EXOC2: variants seen among roughly 807,000 people sequenced by gnomAD.
The protein encoded by EXOC2 is exocyst complex component 2.
EXOC2 carries 70 observed loss-of-function variants against 131.8 expected under a neutral mutation model. The ratio of observed to expected loss-of-function variants is 0.53; its 90% confidence interval spans 0.44 to 0.65. The LOEUF is 0.65. Among genes scored for constraint, EXOC2 ranks in the 30% least tolerant of loss-of-function variants. The pLI, the probability that EXOC2 is intolerant of heterozygous loss-of-function variation, is 0.00. For synonymous variants in EXOC2, 411 were observed against 398.4 expected (o/e 1.03, Z -0.38); for missense variants, 923 against 1,108.6 (o/e 0.83, Z 2.38).
At chr6:546,630 A>G (rs979594717) in intron 22 of EXOC2, among the ~76,000 whole-genome samples, 3 of 152,306 alleles carry the variant, frequency 2.0e-5, no homozygotes, top group African/African-American at 7.2e-5. Context: ...CCACATGAAG[A>G]TGAGGAGGAT....
In EXOC2 at chr6:500,630, C is replaced by A. The variant is rs567797108; in HGVS notation, c.2381-930G>T. 1.9e-3 allele frequency among the ~76,000 whole-genome samples: 282 copies of A among 152,256 alleles called. 1 individual carries two copies. Among genetic ancestry groups the A allele is most frequent in the Admixed American group, 3.8e-3 (58 of 15,284 alleles). ...TTATCATCATTTTGCAGGAAAAAAA[C>A]CCCATAAAAACAAAATACTGTTTTA... On this transcript the variant is annotated intron_variant, in intron 23 of 27. Transcript: ENST00000230449.
At chr6:502,298 G>A (rs1054506993) in intron 23 of EXOC2, among the ~76,000 whole-genome samples, 1 of 152,206 alleles carries the variant, frequency 6.6e-6, no homozygotes. Context: ...AGGATTTGGG[G>A]CTCTAACGAT....
intron 11 of EXOC2, among the ~76,000 whole-genome samples, chr6:579,255 G>C (rs1581480861): frequency 6.6e-6 from 1 of 152,204 alleles, no homozygotes; most frequent in East Asian, 1.9e-4. Context: ...TAAACCATTT[G>C]TATAGTTTAA....
chr6:637,874 A>G lies in EXOC2; in HGVS notation c.-43-13T>C. 1.1e-5 allele frequency: 16 copies of G among 1,523,632 alleles called. No individual in the cohort carries two copies. The highest frequency in any genetic ancestry group is 1.4e-5 in the Non-Finnish European group (15 of 1,108,428). The allele number at this position is 1,523,632 out of a possible 1,614,324, so 94.4% of individuals were successfully genotyped here. ...TTAGAGAAGTAATCTGTTAAAAGAG[A>G]AAGAAAAAAGGATTAGTACCAACTG... On this transcript the variant is annotated splice_polypyrimidine_tract_variant and intron_variant, in intron 1 of 27. Transcript: ENST00000230449.
At chr6:581,163 G>A (rs1269782615) in intron 11 of EXOC2, among the ~76,000 whole-genome samples, 2 of 152,006 alleles carry the variant, frequency 1.3e-5, no homozygotes, top group Non-Finnish European at 2.9e-5. Context: ...CAGCGCGGTG[G>A]CACATGCCTG....
intron 1 of EXOC2, among the ~76,000 whole-genome samples, chr6:681,031 G>A (rs66650217): frequency 0.14 from 20,957 of 152,200 alleles, 1,567 homozygotes; most frequent in African/African-American, 0.19. Flanking sequence ...CGGCTTCTGA[G>A]AGGGGTGTCA....
intron 7 of EXOC2, among the ~76,000 whole-genome samples, chr6:606,838 C>T (rs1321356853): frequency 6.6e-5 from 10 of 152,218 alleles, no homozygotes; most frequent in Non-Finnish European, 7.3e-5. Flanking sequence ...GGTGGATTTG[C>T]GTTTCACTTC....
intron 27 of EXOC2, among the ~76,000 whole-genome samples, chr6:488,290 T>G (rs776685598): frequency 6.6e-6 from 1 of 152,146 alleles, no homozygotes; most frequent in African/African-American, 2.4e-5. Context: ...GTGCACCACA[T>G]GTGCCTGTCT....
At chr6:509,989 C>CT (rs536189783) in intron 23 of EXOC2, among the ~76,000 whole-genome samples, 10 of 151,896 alleles carry the variant, frequency 6.6e-5, no homozygotes, top group Middle Eastern at 3.4e-3. Flanking sequence ...CCACAATGTA[C>CT]TTTTTTTTAT....
intron 21 of EXOC2, among the ~76,000 whole-genome samples, chr6:553,390 AGT>A (rs34996425): frequency 0.15 from 22,016 of 149,938 alleles, 1,687 homozygotes; most frequent in African/African-American, 0.19. Context: ...TTTGTGTATA[AGT>A]GTGTGTGTGT....
chr6:671,756 G>C (rs1239166643), intron 1 of EXOC2, among the ~76,000 whole-genome samples: 1 of 151,940 alleles, frequency 6.6e-6, no homozygotes, highest in African/African-American at 2.4e-5. Flanking sequence ...TGTTTGCATG[G>C]TTGCTGAAAA....
chr6:657,101 G>A, intron 1 of EXOC2: 1 of 572,140 alleles, frequency 1.7e-6, no homozygotes, highest in Non-Finnish European at 2.9e-6. Flanking sequence ...TGCGGGTTCT[G>A]TTGTGGGTTC....
intron 1 of EXOC2, among the ~76,000 whole-genome samples, chr6:666,180 T>C (rs1206276039): frequency 1.3e-5 from 2 of 152,178 alleles, no homozygotes; most frequent in Non-Finnish European, 2.9e-5. Flanking sequence ...CAGCATCCTT[T>C]CTCCATTCTC....
chr6:540,444 C>A (rs1035004463), intron 22 of EXOC2, among the ~76,000 whole-genome samples: 13 of 152,174 alleles, frequency 8.5e-5, no homozygotes, highest in African/African-American at 2.9e-4. Context: ...CTGAATTATA[C>A]CATTCCAGAG....
chr6:583,332 A>G (rs1198533790), intron 11 of EXOC2, among the ~76,000 whole-genome samples: 1 of 152,216 alleles, frequency 6.6e-6, no homozygotes, highest in Non-Finnish European at 1.5e-5. Context: ...GGCTGCCAGA[A>G]GTCTTCTTCC....
intron 1 of EXOC2, among the ~76,000 whole-genome samples, chr6:643,359 G>A (rs552411827): frequency 3.9e-5 from 6 of 152,102 alleles, no homozygotes; most frequent in East Asian, 1.9e-4. Flanking sequence ...TCCAAAGACC[G>A]AAATTCCGAA....
At chr6:543,551 T>C (rs1307249874) in intron 22 of EXOC2, among the ~76,000 whole-genome samples, 1 of 152,196 alleles carries the variant, frequency 6.6e-6, no homozygotes, top group Non-Finnish European at 1.5e-5. Context: ...TCAAAAGTGT[T>C]AAAAGATTTT....
chr6:612,445 C>T (rs1405752528), intron 6 of EXOC2, among the ~76,000 whole-genome samples: 1 of 152,168 alleles, frequency 6.6e-6, no homozygotes, highest in Non-Finnish European at 1.5e-5. Context: ...GTTTCTATTT[C>T]TTATTTTACC....
Position 599,213 on chromosome 6 carries a change from GTATTA to G in EXOC2, c.750_754del (p.Asn251CysfsTer19). On this transcript the variant is annotated frameshift_variant, in exon 8 of 28. Coordinates refer to ENST00000230449, the MANE Select transcript of EXOC2 (RefSeq NM_018303.6). LOFTEE classifies it high-confidence loss of function. Reference sequence around the variant, plus strand: ...TACTTCTTGAAACAATGTGTCTGCAGTATTACTTGCTCCTGTTTTAAAAAGAGGAA... The same window carrying G: ...TACTTCTTGAAACAATGTGTCTGCAGCTTGCTCCTGTTTTAAAAAGAGGAA... 1 of 1,575,218 alleles carries G rather than the reference GTATTA, an allele frequency of 6.3e-7. No individual in the cohort carries two copies.
Sources: gnomAD v4.1 joint callset for allele counts (sites outside exome capture counted in the v4.1 genomes callset) on GRCh38, gnomAD v4.1.1 for gene constraint, MANE v1.5 for transcripts, NCBI Gene and HGNC (gene_info 2026-07-23, HGNC 2026-07-21) for gene names.